PRKCE: variants seen among roughly 807,000 people sequenced by gnomAD.
PRKCE encodes the protein protein kinase C epsilon, also known as protein kinase C epsilon type.
In PRKCE, 16 loss-of-function variants were observed where a neutral mutation model predicts 85.4. The observed-to-expected ratio is 0.19, with a 90% CI of 0.13 to 0.28. PRKCE has a LOEUF of 0.28. Among genes scored for constraint, PRKCE ranks in the 10% least tolerant of loss-of-function variants. PRKCE has a pLI of 1.00. For missense variants in PRKCE, 573 were observed against 975.2 expected (o/e 0.59, Z 5.49); for synonymous variants, 388 against 371.5 (o/e 1.04, Z -0.51).
At chr2:46,164,926 C>A (rs1678179715) in intron 14 of PRKCE, 1 of 152,268 alleles carries the variant, frequency 6.6e-6, no homozygotes. Flanking sequence ...CTGAAGCTAT[C>A]ACCAAGGAGA....
At chr2:45,908,392 C>T (rs1375407978) in intron 2 of PRKCE, among the ~76,000 whole-genome samples, 1 of 152,200 alleles carries the variant, frequency 6.6e-6, no homozygotes, top group East Asian at 1.9e-4. Context: ...CTTGAAGACC[C>T]AGTCTGCTCC....
intron 1 of PRKCE, among the ~76,000 whole-genome samples, chr2:45,732,635 A>C (rs944494380): frequency 5.9e-5 from 9 of 152,154 alleles, no homozygotes; most frequent in Non-Finnish European, 5.9e-5. Flanking sequence ...GTCTTCCCGG[A>C]TCCTCCAAAT....
intron 10 of PRKCE, among the ~76,000 whole-genome samples, chr2:46,033,725 A>C (rs956470533): frequency 6.6e-6 from 1 of 152,224 alleles, no homozygotes; most frequent in Non-Finnish European, 1.5e-5. Flanking sequence ...TGTACGTATG[A>C]AATGAGGTAA....
intron 1 of PRKCE, among the ~76,000 whole-genome samples, chr2:45,780,187 A>G (rs779645141): frequency 2.6e-5 from 4 of 152,258 alleles, no homozygotes; most frequent in Non-Finnish European, 5.9e-5. Flanking sequence ...TAAACTTTGA[A>G]CAGCTGATGT....
At chr2:45,751,800 C>G (rs1683581839) in intron 1 of PRKCE, among the ~76,000 whole-genome samples, 1 of 146,974 alleles carries the variant, frequency 6.8e-6, no homozygotes, top group South Asian at 2.2e-4. Flanking sequence ...GCCTCCAAAG[C>G]TAACCACTAT....
chr2:45,891,204 C>G (rs894485665), intron 2 of PRKCE, among the ~76,000 whole-genome samples: 3 of 152,162 alleles, frequency 2.0e-5, no homozygotes, highest in Non-Finnish European at 4.4e-5. Flanking sequence ...GTCCTTACAG[C>G]CTTTACCAAT....
chr2:46,028,450 A>C (rs1201497752), intron 10 of PRKCE, among the ~76,000 whole-genome samples: 1 of 152,222 alleles, frequency 6.6e-6, no homozygotes, highest in Non-Finnish European at 1.5e-5. Context: ...TTTCACCTAT[A>C]AAGTGATGTT....
At chr2:46,122,129 C>T (rs533258017) in intron 11 of PRKCE, among the ~76,000 whole-genome samples, 7 of 152,316 alleles carry the variant, frequency 4.6e-5, no homozygotes, top group Admixed American at 1.3e-4. Context: ...AGGCTCCTTC[C>T]AGTCAGTGCT....
intron 10 of PRKCE, among the ~76,000 whole-genome samples, chr2:46,080,011 G>GGGA (rs1346483930): frequency 6.6e-6 from 1 of 152,172 alleles, no homozygotes; most frequent in African/African-American, 2.4e-5. Context: ...GTGAGATTAA[G>GGGA]GGAGGAGGAG....
At chr2:45,658,798 T>A (rs1675500300) in intron 1 of PRKCE, among the ~76,000 whole-genome samples, 1 of 152,368 alleles carries the variant, frequency 6.6e-6, no homozygotes, top group East Asian at 1.9e-4. Context: ...GATTTGTGAA[T>A]GTATTTATAT....
intron 2 of PRKCE, among the ~76,000 whole-genome samples, chr2:45,962,457 G>T (rs1010495580): frequency 6.6e-6 from 1 of 152,134 alleles, no homozygotes; most frequent in Non-Finnish European, 1.5e-5. Context: ...TTTTTCTCAG[G>T]TTCATTAAAC....
chr2:46,094,545 C>T (rs1670492412), intron 11 of PRKCE, among the ~76,000 whole-genome samples: 1 of 148,464 alleles, frequency 6.7e-6, no homozygotes, highest in South Asian at 2.1e-4. Flanking sequence ...GCAAACACTG[C>T]ATGTTCTCAC....
chr2:45,925,679 A>G (rs923967121), intron 2 of PRKCE, among the ~76,000 whole-genome samples: 1 of 152,230 alleles, frequency 6.6e-6, no homozygotes, highest in Non-Finnish European at 1.5e-5. Flanking sequence ...TAGTGAACCC[A>G]AGGGAGAATT....
intron 1 of PRKCE, among the ~76,000 whole-genome samples, chr2:45,702,926 T>A (rs1678773819): frequency 6.6e-6 from 1 of 152,202 alleles, no homozygotes; most frequent in African/African-American, 2.4e-5. Flanking sequence ...ACTTCTGGGC[T>A]TAGTGTTCCG....
At chr2:45,738,663 A>G (rs964487649) in intron 1 of PRKCE, among the ~76,000 whole-genome samples, 5 of 152,216 alleles carry the variant, frequency 3.3e-5, no homozygotes, top group Non-Finnish European at 5.9e-5. Context: ...GGGAAGGATC[A>G]GTGTGAGTTT....
chr2:46,051,217 T>C (rs968099077), intron 10 of PRKCE, among the ~76,000 whole-genome samples: 1 of 152,196 alleles, frequency 6.6e-6, no homozygotes, highest in African/African-American at 2.4e-5. Flanking sequence ...GCTCATGTTA[T>C]TTAATGTTGA....
In PRKCE at chr2:46,139,621, A is replaced by T. The variant is rs541627483; in HGVS notation, c.1593-5472A>T. Among the ~76,000 whole-genome samples, 5 of 152,130 alleles carry T rather than the reference A, an allele frequency of 3.3e-5. No homozygotes were observed. The South Asian group carries it at 1.0e-3, about 32-fold the overall frequency. On this transcript the variant is annotated intron_variant, in intron 11 of 14. Transcript: ENST00000306156. The surrounding 1 kb of genome is among the most constrained non-coding windows in gnomAD (Gnocchi z 5.2). Reference sequence around the variant, plus strand: ...GGTTGTAGGTGGCTGCTACTACTTTAGGCATTATGTCCTCATTCATGCAAT... The same window carrying T: ...GGTTGTAGGTGGCTGCTACTACTTTTGGCATTATGTCCTCATTCATGCAAT...
At chr2:45,916,842 G>A (rs141282445) in intron 2 of PRKCE, among the ~76,000 whole-genome samples, 7,656 of 152,182 alleles carry the variant, frequency 0.05, 207 homozygotes, top group African/African-American at 0.072. Context: ...TTAAGGTGAC[G>A]CGTCTGGAGT....
intron 2 of PRKCE, among the ~76,000 whole-genome samples, chr2:45,891,729 A>T (rs1451719218): frequency 6.6e-6 from 1 of 152,184 alleles, no homozygotes. Flanking sequence ...TAGGCATATC[A>T]CTGTTACCTT....
Sources: allele counts gnomAD v4.1 joint callset (sites outside exome capture counted in the v4.1 genomes callset), GRCh38; gene constraint gnomAD v4.1.1; non-coding constraint Gnocchi (gnomAD v3.1); transcripts MANE v1.5; gene names NCBI Gene and HGNC (gene_info 2026-07-23, HGNC 2026-07-21).